Variants in RNF216 observed in about 807,000 individuals in gnomAD.
RNF216 encodes the protein ring finger protein 216.
In RNF216, 72 loss-of-function variants were observed where a neutral mutation model predicts 110.8. The ratio of observed to expected loss-of-function variants is 0.65; its 90% confidence interval spans 0.54 to 0.79. The LOEUF (loss-of-function observed/expected upper bound fraction) is 0.79, where lower values mean the gene tolerates loss of function less well. Among genes scored for constraint, RNF216 ranks in the 30% least tolerant of loss-of-function variants. RNF216 has a pLI of 0.00. For missense variants in RNF216, 1,342 were observed against 1,141.2 expected (o/e 1.18, Z -2.54); for synonymous variants, 495 against 407.5 (o/e 1.21, Z -2.59).
intron 14 of RNF216, among the ~76,000 whole-genome samples, chr7:5,643,601 G>A (rs1360830940): frequency 1.3e-5 from 2 of 152,178 alleles, no homozygotes; most frequent in Non-Finnish European, 2.9e-5. Context: ...GGTGGCATAA[G>A]CCATGCCCTT....
chr7:5,688,237 G>A (rs988708486), intron 13 of RNF216, among the ~76,000 whole-genome samples: 1 of 152,276 alleles, frequency 6.6e-6, no homozygotes, highest in South Asian at 2.1e-4. Flanking sequence ...AGAAAAAGCA[G>A]AGTAGAAAGC....
In RNF216 at chr7:5,725,335, T is replaced by C; in HGVS notation, c.1493A>G (p.Lys498Arg). The change falls in exon 8 of 17, where the codon AAG becomes AGG. Residue 498 changes from lysine to arginine, a missense_variant. Lys to Arg is a conservative substitution (Grantham distance 26). Transcript: ENST00000389902. ...ACAGTTTGCATTACCTTGTTCAAACTTGAAATCAATGTAAGAATACTGGTT... is the reference window on the plus strand; with the variant it reads ...ACAGTTTGCATTACCTTGTTCAAACCTGAAATCAATGTAAGAATACTGGTT... ...QMNQYSYIDF[K>R]FEQGDIKIEK... 6.3e-7 allele frequency: 1 copy of C among 1,598,398 alleles called. No individual in the cohort carries two copies. Among genetic ancestry groups the C allele is most frequent in the Non-Finnish European group, 8.6e-7 (1 of 1,165,620 alleles).
Position 5,751,484 on chromosome 7 carries a change from T to C in RNF216, c.201+1362A>G, listed in dbSNP as rs529122133. ...ACCTGGGAAGTTCATTTGATCTTCC[T>C]AGAAATTGAAAGAAAGAGTGAACAA... On this transcript the variant is annotated intron_variant, in intron 3 of 16. Coordinates refer to ENST00000389902, the MANE Select transcript of RNF216 (RefSeq NM_207111.4). 2.6e-5 allele frequency among the ~76,000 whole-genome samples: 4 copies of C among 152,212 alleles called. No individual in the cohort carries two copies. The East Asian group carries it at 7.7e-4, about 29-fold the overall frequency.
intron 13 of RNF216, among the ~76,000 whole-genome samples, chr7:5,664,925 T>C (rs1380785483): frequency 1.3e-5 from 2 of 152,154 alleles, no homozygotes; most frequent in Non-Finnish European, 2.9e-5. Context: ...GCCTCCCAAG[T>C]AGCTGGGATT....
At chr7:5,735,379 C>G (rs749981434) in intron 5 of RNF216, among the ~76,000 whole-genome samples, 2 of 151,862 alleles carry the variant, frequency 1.3e-5, no homozygotes, top group Non-Finnish European at 2.9e-5. Context: ...ATATGATTCC[C>G]AAGAACTTAA....
chr7:5,641,105 A>G, intron 15 of RNF216, 49 bp downstream of exon 15: 1 of 1,377,328 alleles, frequency 7.3e-7, no homozygotes, highest in Non-Finnish European at 1.0e-6. Context: ...ATAAAAATAT[A>G]TTTCTATTTT....
At chr7:5,664,655 C>G (rs1201260503) in intron 13 of RNF216, among the ~76,000 whole-genome samples, 1 of 152,168 alleles carries the variant, frequency 6.6e-6, no homozygotes, top group East Asian at 1.9e-4. Context: ...TCCCCAACAC[C>G]CCCAGGGGCT....
intron 4 of RNF216, chr7:5,739,673 C>A: frequency 2.1e-6 from 1 of 474,536 alleles, no homozygotes; most frequent in Non-Finnish European, 4.2e-6. Flanking sequence ...CTCATGCCAG[C>A]CCTCAAGCAG....
chr7:5,687,493 T>C lies in RNF216; in HGVS notation c.2061+24268A>G, dbSNP rs917728437. ...TCAGAAACCAAAGAGTCCACTCACA[T>C]CTACTTTTGGACAAAGATACTGTAG... On this transcript the variant is annotated intron_variant, in intron 13 of 16. Coordinates refer to ENST00000389902, the MANE Select transcript of RNF216 (RefSeq NM_207111.4). 4.0e-5 allele frequency among the ~76,000 whole-genome samples: 6 copies of C among 150,930 alleles called. 1 individual carries two copies. The highest frequency in any genetic ancestry group is 2.6e-4 in the Admixed American group (4 of 15,192).
intron 15 of RNF216, among the ~76,000 whole-genome samples, chr7:5,638,603 AAC>A (rs1271238024): frequency 6.6e-6 from 1 of 151,880 alleles, no homozygotes; most frequent in Non-Finnish European, 1.5e-5. Flanking sequence ...AGCCAACTCC[AAC>A]AGATTGTGGC....
intron 14 of RNF216, among the ~76,000 whole-genome samples, chr7:5,648,619 T>A (rs537441235): frequency 4.3e-4 from 65 of 150,654 alleles, no homozygotes; most frequent in South Asian, 1.9e-3. Context: ...TCCCAGCTAC[T>A]CGGGAGGCTG....
chr7:5,639,012 C>G (rs542446738), intron 15 of RNF216, among the ~76,000 whole-genome samples: 2 of 152,272 alleles, frequency 1.3e-5, no homozygotes, highest in South Asian at 4.1e-4. Flanking sequence ...CATAGGGAGA[C>G]TCCTCAGTAT....
chr7:5,723,213 T>C (rs1203943797), intron 8 of RNF216, among the ~76,000 whole-genome samples: 1 of 152,222 alleles, frequency 6.6e-6, no homozygotes, highest in Non-Finnish European at 1.5e-5. Flanking sequence ...ACATATTAAG[T>C]GCTCAATGTT....
rs964085084 is a variant in RNF216 at position 5,767,437 on chromosome 7, G to C, written c.-69-6299C>G. On this transcript the variant is annotated intron_variant, in intron 1 of 16. Transcript: ENST00000389902. ...TAAGGGACAAAATTCCAGCAAGGAA[G>C]AATCCACTGAGAAAGAACTCTCCAA... Among the ~76,000 whole-genome samples, 7 of 152,084 alleles carry C rather than the reference G, an allele frequency of 4.6e-5. No homozygotes were observed. The South Asian group carries it at 1.5e-3, about 32-fold the overall frequency.
At chr7:5,653,557 C>T (rs561631994) in intron 13 of RNF216, among the ~76,000 whole-genome samples, 8 of 138,492 alleles carry the variant, frequency 5.8e-5, no homozygotes, top group African/African-American at 8.1e-5. Context: ...GCCGAGATCG[C>T]GCCACTGCAC....
chr7:5,643,413 T>C (rs540923816), intron 14 of RNF216, among the ~76,000 whole-genome samples: 1 of 151,074 alleles, frequency 6.6e-6, no homozygotes, highest in South Asian at 2.1e-4. Flanking sequence ...CAGGATGTGC[T>C]CCCGGGGCAG....
intron 1 of RNF216, among the ~76,000 whole-genome samples, chr7:5,765,459 A>G (rs1796154127): frequency 6.6e-6 from 1 of 151,674 alleles, no homozygotes; most frequent in Non-Finnish European, 1.5e-5. Flanking sequence ...GTGAGACTCC[A>G]TCTCAAAAAA....
rs1017030909 is a variant in RNF216 at position 5,696,163 on chromosome 7, G to A, written c.2061+15598C>T. 2.0e-5 allele frequency among the ~76,000 whole-genome samples: 3 copies of A among 152,200 alleles called. No individual in the cohort carries two copies. Among genetic ancestry groups the A allele is most frequent in the Admixed American group, 2.0e-4 (3 of 15,276 alleles). ...CACACTGACATCCACAGTCCATGTG[G>A]TGACGAAGAGCAGTTGGTACCGCAT... On this transcript the variant is annotated intron_variant, in intron 13 of 16. Transcript: ENST00000389902. This position sits in a 1 kb window ranked among gnomAD's most constrained non-coding sequence, Gnocchi z 5.4.
chr7:5,681,417 G>A (rs1258601584), intron 13 of RNF216, among the ~76,000 whole-genome samples: 4 of 152,130 alleles, frequency 2.6e-5, no homozygotes, highest in African/African-American at 9.7e-5. Flanking sequence ...AAACAACTGT[G>A]GATTACCAAG....
Sources: allele counts gnomAD v4.1 joint callset (sites outside exome capture counted in the v4.1 genomes callset), GRCh38; gene constraint gnomAD v4.1.1; non-coding constraint Gnocchi (gnomAD v3.1); transcripts MANE v1.5; gene names NCBI Gene and HGNC (gene_info 2026-07-23, HGNC 2026-07-21).